CSMD1: variants seen among roughly 807,000 people sequenced by gnomAD.
CSMD1 encodes CUB and Sushi multiple domains 1.
Under a neutral mutation model 417.5 loss-of-function variants are expected in CSMD1, and 213 were observed. The observed-to-expected ratio is 0.51, with a 90% CI of 0.46 to 0.57. The LOEUF (loss-of-function observed/expected upper bound fraction) is 0.57, where lower values mean the gene tolerates loss of function less well. Among genes scored for constraint, CSMD1 ranks in the 20% least tolerant of loss-of-function variants. The pLI is 0.00. For missense variants in CSMD1, 6,923 were observed against 4,529.7 expected (o/e 1.53, Z -15.17); for synonymous variants, 2,862 against 1,736.8 (o/e 1.65, Z -16.11).
intron 3 of CSMD1, among the ~76,000 whole-genome samples, chr8:4,316,521 C>T (rs1454365969): frequency 6.6e-6 from 1 of 152,002 alleles, no homozygotes; most frequent in African/African-American, 2.4e-5. Context: ...ACTATTATTC[C>T]ATAATAGATT....
chr8:4,529,060 A>T (rs936524203), intron 2 of CSMD1, among the ~76,000 whole-genome samples: 3 of 152,138 alleles, frequency 2.0e-5, no homozygotes, highest in Non-Finnish European at 2.9e-5. Context: ...AAAAATGATG[A>T]TCTGAAAAGT....
In CSMD1 at chr8:4,938,558, G is replaced by T. The variant is rs555109217; in HGVS notation, c.85+55774C>A. Among the ~76,000 whole-genome samples the T allele has an allele frequency of 3.3e-5, 5 of 152,288 alleles. No individual in the cohort carries two copies. The South Asian group carries it at 1.0e-3, about 32-fold the overall frequency. ...GCTGAGTATGACAGGGATATTCCCTGCCCTCACACAGTTGTCAGTCTTATC... is the reference window on the plus strand; with the variant it reads ...GCTGAGTATGACAGGGATATTCCCTTCCCTCACACAGTTGTCAGTCTTATC... On this transcript the variant is annotated intron_variant, in intron 1 of 69. Coordinates refer to ENST00000635120, the MANE Select transcript of CSMD1 (RefSeq NM_033225.6).
intron 33 of CSMD1, among the ~76,000 whole-genome samples, chr8:3,194,924 G>C (rs1796619427): frequency 6.6e-6 from 1 of 152,084 alleles, no homozygotes; most frequent in Non-Finnish European, 1.5e-5. Context: ...TGGTGACCCG[G>C]AAAACATGAC....
intron 7 of CSMD1, among the ~76,000 whole-genome samples, chr8:3,648,683 C>A (rs1417780426): frequency 6.6e-6 from 1 of 152,160 alleles, no homozygotes; most frequent in Non-Finnish European, 1.5e-5. Context: ...TATACCAAAT[C>A]CTATAAAAAT....
intron 3 of CSMD1, among the ~76,000 whole-genome samples, chr8:4,133,458 TC>T (rs1321022789): frequency 4.6e-5 from 7 of 152,332 alleles, no homozygotes; most frequent in African/African-American, 1.7e-4. Context: ...ACCTTATTTT[TC>T]TTTCAGCCCC....
chr8:4,877,523 C>T (rs527277695), intron 1 of CSMD1, among the ~76,000 whole-genome samples: 1 of 152,038 alleles, frequency 6.6e-6, no homozygotes, highest in Non-Finnish European at 1.5e-5. Flanking sequence ...AAACTTCCTC[C>T]TAGTTCTTCT....
chr8:3,519,030 T>A (rs1478956249), intron 10 of CSMD1, among the ~76,000 whole-genome samples: 2 of 152,220 alleles, frequency 1.3e-5, no homozygotes, highest in African/African-American at 4.8e-5. Flanking sequence ...TAACTTCTGT[T>A]TCTATCGCAA....
At chr8:4,591,544 C>T (rs1392321177) in intron 2 of CSMD1, among the ~76,000 whole-genome samples, 1 of 152,122 alleles carries the variant, frequency 6.6e-6, no homozygotes, top group African/African-American at 2.4e-5. Flanking sequence ...GTGAAGGACA[C>T]AGAGAGGACT....
intron 5 of CSMD1, among the ~76,000 whole-genome samples, chr8:3,864,643 GGT>G (rs1563157031): frequency 6.6e-6 from 1 of 151,942 alleles, no homozygotes. Flanking sequence ...AACAGGCCCC[GGT>G]GTGTGATGTT....
intron 2 of CSMD1, among the ~76,000 whole-genome samples, chr8:4,555,845 C>T (rs141787294): frequency 1.3e-4 from 20 of 152,056 alleles, no homozygotes; most frequent in Admixed American, 7.2e-4. Flanking sequence ...TTATAAAATA[C>T]GAAAATTATA....
rs148614364 is a variant in CSMD1, at chr8:4,355,961, G to A, written c.415+63992C>T. 4.5e-4 allele frequency among the ~76,000 whole-genome samples: 69 copies of A among 152,158 alleles called. 1 individual carries two copies. Among genetic ancestry groups the A allele is most frequent in the African/African-American group, 1.4e-3 (58 of 41,518 alleles). ...TGTTTGTAGAATTGCATTTTTTTAT[G>A]GATGTTCTTTCTTATTTTTTCATGA... On this transcript the variant is annotated intron_variant, in intron 3 of 69. Coordinates refer to ENST00000635120, the MANE Select transcript of CSMD1 (RefSeq NM_033225.6).
At chr8:4,461,324 C>G (rs1227859278) in intron 2 of CSMD1, among the ~76,000 whole-genome samples, 2 of 151,866 alleles carry the variant, frequency 1.3e-5, no homozygotes, top group East Asian at 3.9e-4. Flanking sequence ...AGCAATAAGA[C>G]AAATTCTATT....
chr8:3,148,617 A>G (rs1289383188), intron 40 of CSMD1, among the ~76,000 whole-genome samples: 1 of 152,236 alleles, frequency 6.6e-6, no homozygotes, highest in East Asian at 1.9e-4. Context: ...CCATGAATAC[A>G]TAGAACTAAT....
At chr8:3,327,291 C>T (rs893041900) in intron 23 of CSMD1, among the ~76,000 whole-genome samples, 1 of 152,070 alleles carries the variant, frequency 6.6e-6, no homozygotes, top group Admixed American at 6.5e-5. Flanking sequence ...TACAGGCACC[C>T]ACCACCACAT....
At chr8:3,586,010 A>G (rs981296625) in intron 9 of CSMD1, 126 bp downstream of exon 9, 1 of 971,548 alleles carries the variant, frequency 1.0e-6, no homozygotes, top group Non-Finnish European at 1.5e-6. Flanking sequence ...TCACTATGAA[A>G]ACATACATTA....
chr8:3,036,109 G>A (rs921438571), intron 50 of CSMD1, among the ~76,000 whole-genome samples: 15 of 152,098 alleles, frequency 9.9e-5, no homozygotes, highest in African/African-American at 2.9e-4. Flanking sequence ...CCTGACTTGT[G>A]AGTGTTTCAG....
intron 30 of CSMD1, among the ~76,000 whole-genome samples, chr8:3,210,889 A>G (rs776056532): frequency 2.6e-5 from 4 of 152,114 alleles, no homozygotes; most frequent in Non-Finnish European, 5.9e-5. Context: ...TACAGAATTC[A>G]TGACCTTTCC....
Position 3,521,624 on chromosome 8 carries a change from G to T in CSMD1, c.1345-27898C>A, listed in dbSNP as rs189036962. 1.3e-3 allele frequency among the ~76,000 whole-genome samples: 192 copies of T among 152,252 alleles called. 1 individual carries two copies. Among genetic ancestry groups the T allele is most frequent in the Admixed American group, 4.7e-3 (72 of 15,282 alleles). On this transcript the variant is annotated intron_variant, in intron 10 of 69. Transcript: ENST00000635120. Reference sequence around the variant, plus strand: ...TGTTTAGCTAAATCCCTTGTACACGGAGCAAAGTACATTTACAGGAGGATT... The same window carrying T: ...TGTTTAGCTAAATCCCTTGTACACGTAGCAAAGTACATTTACAGGAGGATT...
At chr8:3,349,194 G>C (rs1338543514) in intron 21 of CSMD1, among the ~76,000 whole-genome samples, 7 of 152,176 alleles carry the variant, frequency 4.6e-5, no homozygotes, top group Non-Finnish European at 1.0e-4. Context: ...AGGATGCACA[G>C]TATTCCTTTT....
Sources: gnomAD v4.1 joint callset for allele counts (sites outside exome capture counted in the v4.1 genomes callset) on GRCh38, gnomAD v4.1.1 for gene constraint, MANE v1.5 for transcripts, NCBI Gene and HGNC (gene_info 2026-07-23, HGNC 2026-07-21) for gene names.